SLC16A9: variants seen among roughly 807,000 people sequenced by gnomAD.
SLC16A9 encodes the protein monocarboxylate transporter 9.
In SLC16A9, 26 loss-of-function variants were observed where a neutral mutation model predicts 44.3. The observed-to-expected ratio is 0.59, with a 90% CI of 0.43 to 0.81. SLC16A9 has a LOEUF of 0.81. Among genes scored for constraint, SLC16A9 ranks in the 40% least tolerant of loss-of-function variants. The probability of loss-of-function intolerance (pLI) is 0.00; values close to 1 mark genes in which losing one functional copy is unlikely to be tolerated. For synonymous variants in SLC16A9, 230 were observed against 225.1 expected (o/e 1.02, Z -0.19); for missense variants, 559 against 595.8 (o/e 0.94, Z 0.64).
chr10:59,681,839 G>GATGTATATGTATATGTATATGTAT lies in SLC16A9; in HGVS notation c.196+2233_196+2256dup, dbSNP rs5785398. Among the ~76,000 whole-genome samples, 35 of 25,918 alleles carry GATGTATATGTATATGTATATGTAT rather than the reference G, an allele frequency of 1.4e-3. 9 individuals are homozygous for GATGTATATGTATATGTATATGTAT. The highest frequency in any genetic ancestry group is 1.7e-3 in the Non-Finnish European group (24 of 13,790). 17.0% of individuals were successfully genotyped at this position (25,918 alleles called of 152,430 possible). Reference sequence around the variant, plus strand: ...ATATGATGTATATGTATATGTATATGATGTATATGTATATGTATATGTATA... The same window carrying GATGTATATGTATATGTATATGTAT: ...ATATGATGTATATGTATATGTATATGATGTATATGTATATGTATATGTATATGTATATGTATATGTATATGTATA... On this transcript the variant is annotated intron_variant, in intron 2 of 5. Coordinates refer to ENST00000395348, the MANE Select transcript of SLC16A9 (RefSeq NM_194298.3).
intron 1 of SLC16A9, among the ~76,000 whole-genome samples, chr10:59,699,901 AACACACACACACACAC>A (rs57820696): frequency 6.8e-6 from 1 of 147,560 alleles, no homozygotes. Context: ...CTGCACTGAA[AACACACACACACACAC>A]ACACACACAC....
At chr10:59,680,995 TAATAAC>T (rs1232242193) in intron 2 of SLC16A9, among the ~76,000 whole-genome samples, 7 of 151,046 alleles carry the variant, frequency 4.6e-5, no homozygotes, top group African/African-American at 7.3e-5. Context: ...ATAATAATAA[TAATAAC>T]AATAATAATT....
intron 1 of SLC16A9, among the ~76,000 whole-genome samples, chr10:59,702,149 T>A (rs555969563): frequency 2.0e-4 from 30 of 152,290 alleles, no homozygotes; most frequent in African/African-American, 7.0e-4. Context: ...GATCTTTCAT[T>A]CAACAAAATG....
At position 59,654,303 on chromosome 10, in the gene SLC16A9, C is replaced by T; in HGVS notation, c.723G>A (p.Thr241=). ...CTTGTTTCCAGTCACCATTGGCTAA[C>T]GTGATCCTGCATTTTTCCTCACTAC... ...SYSSEEKCRI[T]LANGDWKQDS... is the part of the protein sequence containing the mutation. The change falls in exon 5 of 6, where the codon ACG becomes ACA. Residue 241 remains threonine, a synonymous_variant. Coordinates refer to ENST00000395348, the MANE Select transcript of SLC16A9 (RefSeq NM_194298.3). The T allele has an allele frequency of 6.2e-7, 1 of 1,614,160 alleles. No homozygotes were observed. Among genetic ancestry groups the T allele is most frequent in the Non-Finnish European group, 8.5e-7 (1 of 1,180,026 alleles).
intron 4 of SLC16A9, among the ~76,000 whole-genome samples, chr10:59,663,285 C>A (rs374600085): frequency 3.3e-5 from 5 of 151,910 alleles, no homozygotes; most frequent in Non-Finnish European, 7.4e-5. Flanking sequence ...CACTTGAACC[C>A]GGGAGGCAGA....
intron 1 of SLC16A9, among the ~76,000 whole-genome samples, chr10:59,703,816 T>C (rs1044110680): frequency 6.6e-6 from 1 of 152,058 alleles, no homozygotes; most frequent in African/African-American, 2.4e-5. Flanking sequence ...CCTCCCGGGT[T>C]CACGCCATTC....
chr10:59,686,085 T>A (rs533970010), intron 1 of SLC16A9, among the ~76,000 whole-genome samples: 93 of 152,112 alleles, frequency 6.1e-4, no homozygotes, highest in Admixed American at 1.8e-3. Flanking sequence ...ATAAATGTCG[T>A]GTACCGTTTT....
At chr10:59,684,469 C>T (rs911633606) in intron 1 of SLC16A9, 142 bp from the exon 2 acceptor site, 13 of 459,544 alleles carry the variant, frequency 2.8e-5, no homozygotes, top group Non-Finnish European at 5.0e-5. Context: ...ATATCACTGA[C>T]ATAGCAAGTT....
intron 2 of SLC16A9, among the ~76,000 whole-genome samples, 194 bp from the exon 3 acceptor site, chr10:59,673,107 T>C (rs1176773041): frequency 6.6e-6 from 1 of 152,184 alleles, no homozygotes; most frequent in Non-Finnish European, 1.5e-5. Context: ...AGGTGTATAC[T>C]ATTGTTAGTC....
intron 5 of SLC16A9, among the ~76,000 whole-genome samples, chr10:59,653,435 A>AAAAAAAAAAAAAAAAAAC (rs67971260): frequency 1.3e-5 from 2 of 149,448 alleles, no homozygotes; most frequent in Non-Finnish European, 3.0e-5. Context: ...CAAAAAAAAA[A>AAAAAAAAAAAAAAAAAAC]AAAAAAAAAA....
At chr10:59,659,186 T>C (rs928497257) in intron 4 of SLC16A9, among the ~76,000 whole-genome samples, 1 of 152,184 alleles carries the variant, frequency 6.6e-6, no homozygotes. Flanking sequence ...TCAGTGATCA[T>C]CTCTTGATTA....
intron 2 of SLC16A9, among the ~76,000 whole-genome samples, chr10:59,673,149 ATAT>A (rs1201765019): frequency 6.6e-6 from 1 of 152,170 alleles, no homozygotes; most frequent in Non-Finnish European, 1.5e-5. Context: ...TTAAAGGATG[ATAT>A]TATCACATAG....
rs1564707011 is a variant in SLC16A9, at chr10:59,684,100, A to G, written c.192T>C (p.Leu64=). 6.2e-7 allele frequency: 1 copy of G among 1,610,164 alleles called. No individual in the cohort carries two copies. The highest frequency in any genetic ancestry group is 1.1e-5 in the South Asian group (1 of 90,458). The change falls in exon 2 of 6, where the codon CTT becomes CTC. Residue 64 remains leucine, a synonymous_variant. Transcript: ENST00000395348. ...VGSLASGVGL[L]ASPVCSLCVS... ...GGCATTAATTTATCCACTTACTTGC[A>G]AGCAAGCCAACTCCACTTGCCAGGG...
chr10:59,685,824 C>G (rs1840118734), intron 1 of SLC16A9, among the ~76,000 whole-genome samples: 1 of 152,162 alleles, frequency 6.6e-6, no homozygotes, highest in Non-Finnish European at 1.5e-5. Flanking sequence ...TTGGGAGGAT[C>G]ATTGAGGCCA....
intron 1 of SLC16A9, among the ~76,000 whole-genome samples, chr10:59,693,744 C>G (rs1185361090): frequency 2.7e-4 from 40 of 148,908 alleles, no homozygotes; most frequent in African/African-American, 9.6e-4. Flanking sequence ...CGCAGCCTCC[C>G]AAGTAGCTGG....
intron 4 of SLC16A9, among the ~76,000 whole-genome samples, chr10:59,656,187 C>T (rs1361632180): frequency 2.0e-5 from 3 of 152,134 alleles, no homozygotes; most frequent in African/African-American, 7.2e-5. Flanking sequence ...TCTCATTAAA[C>T]GTGGCATATA....
chr10:59,653,697 A>G lies in SLC16A9; in HGVS notation c.1329T>C (p.Asn443=). Residue 443 remains asparagine, a synonymous_variant, in exon 5 of 6, where the codon AAT becomes AAC. Transcript: ENST00000395348. ...GILMFFAGLG[N]SLGPPIVGWF... is the part of the protein sequence containing the mutation. ...TACCAACGATGGGTGGTCCTAGGCTATTTCCAAGTCCAGCAAAGAACATTA... is the reference window on the plus strand; with the variant it reads ...TACCAACGATGGGTGGTCCTAGGCTGTTTCCAAGTCCAGCAAAGAACATTA... 2 of 1,613,544 alleles carry G rather than the reference A, an allele frequency of 1.2e-6. No homozygotes were observed. Among genetic ancestry groups the G allele is most frequent in the South Asian group, 2.2e-5 (2 of 91,016 alleles).
intron 1 of SLC16A9, among the ~76,000 whole-genome samples, chr10:59,689,484 G>C (rs1479929887): frequency 6.6e-6 from 1 of 152,140 alleles, no homozygotes; most frequent in South Asian, 2.1e-4. Flanking sequence ...TAGGCTTTCA[G>C]GACTCTGAAT....
In SLC16A9 at chr10:59,657,326, A is replaced by G. The variant is rs568718203; in HGVS notation, c.437-2737T>C. On this transcript the variant is annotated intron_variant, in intron 4 of 5. Transcript: ENST00000395348. ...GACCAACCCCTGTTCACTACAGAGG[A>G]AGATCGCTTCCCCCAAACCTTCATT... 1.1e-3 allele frequency among the ~76,000 whole-genome samples: 163 copies of G among 152,320 alleles called. 1 individual carries two copies. The highest frequency in any genetic ancestry group is 1.9e-3 in the Non-Finnish European group (130 of 68,026).
Sources: gnomAD v4.1 joint callset for allele counts (sites outside exome capture counted in the v4.1 genomes callset) on GRCh38, gnomAD v4.1.1 for gene constraint, MANE v1.5 for transcripts, NCBI Gene and HGNC (gene_info 2026-07-23, HGNC 2026-07-21) for gene names.